Variants in VPS13D observed in about 807,000 individuals in gnomAD.
VPS13D encodes the protein vacuolar protein sorting 13 homolog D, also known as intermembrane lipid transfer protein VPS13D.
A neutral mutation model predicts 461.9 loss-of-function variants in VPS13D; 187 were observed. That is an observed-to-expected ratio of 0.40 (90% CI 0.36 to 0.46). VPS13D has a LOEUF of 0.46. Among genes scored for constraint, VPS13D ranks in the 20% least tolerant of loss-of-function variants. The pLI is 0.60. For synonymous variants in VPS13D, 1,951 were observed against 1,986.3 expected, an observed-to-expected ratio of 0.98 and a Z score of 0.47; for missense variants, 4,711 against 5,364.9, an observed-to-expected ratio of 0.88 and a Z score of 3.81.
chr1:12,241,147 T>C (rs1371210020), intron 2 of VPS13D, among the ~76,000 whole-genome samples: 1 of 151,786 alleles, frequency 6.6e-6, no homozygotes, highest in African/African-American at 2.4e-5. Flanking sequence ...CTTGCCGTAT[T>C]GCCCAGGCTG....
At chr1:12,383,213 T>C in intron 58 of VPS13D, 58 bp downstream of exon 58, 1 of 1,497,694 alleles carries the variant, frequency 6.7e-7, no homozygotes, top group Non-Finnish European at 9.1e-7. Context: ...CCCCCAATGA[T>C]TACTCATTTA....
intron 60 of VPS13D, among the ~76,000 whole-genome samples, chr1:12,399,487 G>A (rs558820991): frequency 3.0e-4 from 46 of 152,002 alleles, no homozygotes; most frequent in Non-Finnish European, 5.7e-4. Context: ...GAGCCACTGC[G>A]CCTGGCCAGT....
intron 63 of VPS13D, among the ~76,000 whole-genome samples, chr1:12,410,317 A>G (rs1359534935): frequency 2.0e-5 from 3 of 152,260 alleles, no homozygotes; most frequent in Non-Finnish European, 4.4e-5. Context: ...AGACTGCTAA[A>G]GGACTACACC....
intron 5 of VPS13D, among the ~76,000 whole-genome samples, chr1:12,246,659 G>A (rs751552522): frequency 4.6e-5 from 7 of 152,118 alleles, no homozygotes; most frequent in African/African-American, 9.7e-5. Context: ...GAAGGTCAGG[G>A]GCCTGTGTCA....
At position 12,416,824 on chromosome 1, in the gene VPS13D, C is replaced by T. The variant is rs1157812704; in HGVS notation, c.12330C>T (p.Ala4110=). 1 of 1,610,044 alleles carries T rather than the reference C, an allele frequency of 6.2e-7. No individual in the cohort carries two copies. The highest frequency in any genetic ancestry group is 1.1e-5 in the South Asian group (1 of 90,078). The change falls in exon 65 of 70, where the codon GCC becomes GCT. Residue 4110 remains alanine (A), a synonymous_variant. Transcript: ENST00000620676. ...CACACGGAGTATCAAACTCTGCTGC[C>T]AAGGTAAGGAAATAGAGGTGAAATT... ...NVTHGVSNSA[A]KFAGTLSDGL...
At chr1:12,475,662 G>A (rs536783645) in intron 67 of VPS13D, among the ~76,000 whole-genome samples, 2 of 152,316 alleles carry the variant, frequency 1.3e-5, no homozygotes, top group South Asian at 4.1e-4. Flanking sequence ...ATTTGGCCTT[G>A]TCACCACTTC....
intron 3 of VPS13D, among the ~76,000 whole-genome samples, chr1:12,243,018 T>C (rs1290777872): frequency 6.6e-6 from 1 of 151,802 alleles, no homozygotes; most frequent in Non-Finnish European, 1.5e-5. Context: ...CGTGGTGCGA[T>C]CTCGGCTCAC....
chr1:12,335,402 A>G (rs1167411039), intron 38 of VPS13D, among the ~76,000 whole-genome samples: 2 of 152,172 alleles, frequency 1.3e-5, no homozygotes, highest in Non-Finnish European at 2.9e-5. Context: ...TTAAAATTCC[A>G]CAAAATGCCC....
At chr1:12,251,242 G>A (rs1300043539) in intron 6 of VPS13D, among the ~76,000 whole-genome samples, 1 of 152,184 alleles carries the variant, frequency 6.6e-6, no homozygotes, top group African/African-American at 2.4e-5. Flanking sequence ...CTGTGCTCCT[G>A]CCTGCCACAC....
intron 3 of VPS13D, among the ~76,000 whole-genome samples, chr1:12,243,113 C>T (rs533506570): frequency 9.2e-5 from 14 of 151,962 alleles, no homozygotes; most frequent in African/African-American, 3.1e-4. Context: ...CCACCATGCC[C>T]GGCTAATTTT....
chr1:12,350,761 A>G (rs944495708), intron 46 of VPS13D, among the ~76,000 whole-genome samples: 1 of 152,194 alleles, frequency 6.6e-6, no homozygotes, highest in Admixed American at 6.5e-5. Context: ...AAAATCAACA[A>G]TGTCAAAATT....
At chr1:12,498,496 A>G (rs1422784411) in intron 68 of VPS13D, among the ~76,000 whole-genome samples, 5 of 152,176 alleles carry the variant, frequency 3.3e-5, no homozygotes, top group African/African-American at 1.2e-4. Flanking sequence ...GGGGATATCA[A>G]AAGCCAACTC....
At chr1:12,463,596 A>C (rs1645440500) in intron 67 of VPS13D, among the ~76,000 whole-genome samples, 1 of 152,104 alleles carries the variant, frequency 6.6e-6, no homozygotes, top group Non-Finnish European at 1.5e-5. Context: ...CAAAAAAAAA[A>C]ACAAACCTGG....
At chr1:12,444,889 ACTT>A (rs1395430403) in intron 65 of VPS13D, among the ~76,000 whole-genome samples, 16 of 152,292 alleles carry the variant, frequency 1.1e-4, no homozygotes, top group African/African-American at 3.4e-4. Context: ...GAGGAGTTAA[ACTT>A]CTTCTTTCCT....
At chr1:12,360,870 A>G (rs966854722) in intron 50 of VPS13D, among the ~76,000 whole-genome samples, 4 of 152,254 alleles carry the variant, frequency 2.6e-5, no homozygotes, top group African/African-American at 9.6e-5. Context: ...TGAGAAATCT[A>G]TGACAGCCGG....
chr1:12,397,043 C>T (rs1287357726), intron 60 of VPS13D, among the ~76,000 whole-genome samples: 2 of 152,180 alleles, frequency 1.3e-5, no homozygotes, highest in Non-Finnish European at 2.9e-5. Flanking sequence ...AAGTGATCCT[C>T]CAGCTTCAGC....
intron 1 of VPS13D, among the ~76,000 whole-genome samples, chr1:12,231,777 T>G (rs1477336981): frequency 2.6e-5 from 4 of 152,114 alleles, no homozygotes; most frequent in African/African-American, 4.8e-5. Context: ...TCGCTTAAGG[T>G]CAGGATTTCA....
At chr1:12,449,132 C>G (rs984902508) in intron 65 of VPS13D, among the ~76,000 whole-genome samples, 1 of 149,078 alleles carries the variant, frequency 6.7e-6, no homozygotes, top group African/African-American at 2.5e-5. Context: ...CTCCAGAGAC[C>G]AGGAAAAAAA....
rs1646099709 is a variant in VPS13D, at chr1:12,505,916, G to A, written c.12795-937G>A. On this transcript the variant is annotated intron_variant, in intron 68 of 69. Coordinates refer to ENST00000620676, the MANE Select transcript of VPS13D (RefSeq NM_015378.4). The surrounding 1 kb of genome is among the most constrained non-coding windows in gnomAD (Gnocchi z 4.2). ...CCCCAGGCTTCTGCCCCCTTCAGAG[G>A]ACCTGGGAACAACGCCGTTCTGGAC... 6.6e-6 allele frequency among the ~76,000 whole-genome samples: 1 copy of A among 152,236 alleles called. No homozygotes were observed. The highest frequency in any genetic ancestry group is 2.4e-5 in the African/African-American group (1 of 41,466).
Sources: gnomAD v4.1 joint callset for allele counts (sites outside exome capture counted in the v4.1 genomes callset) on GRCh38, gnomAD v4.1.1 for gene constraint, Gnocchi (gnomAD v3.1) non-coding constraint, MANE v1.5 for transcripts, NCBI Gene and HGNC (gene_info 2026-07-23, HGNC 2026-07-21) for gene names.